The following SEMA3F variants were observed in gnomAD, a reference collection of about 807,000 sequenced individuals.
SEMA3F encodes the protein semaphorin 3F.
SEMA3F carries 30 observed loss-of-function variants against 98.5 expected under a neutral mutation model. That is an observed-to-expected ratio of 0.30 (90% CI 0.23 to 0.41). The LOEUF is 0.41. Ranked by LOEUF, SEMA3F falls within the 10% of genes least tolerant of loss-of-function variation. The pLI is 1.00. For synonymous variants in SEMA3F, 380 were observed against 444.8 expected (o/e 0.85, Z 1.83); for missense variants, 866 against 1,119.3 (o/e 0.77, Z 3.23).
At position 50,182,990 on chromosome 3, in the gene SEMA3F, T is replaced by C. The variant is rs768242792; in HGVS notation, c.990T>C (p.Asp330=). 2 of 1,613,906 alleles carry C rather than the reference T, an allele frequency of 1.2e-6. No individual in the cohort carries two copies. Among genetic ancestry groups the C allele is most frequent in the South Asian group, 2.2e-5 (2 of 91,088 alleles). Residue 330 remains aspartate (D), a synonymous_variant, in exon 10 of 19, where the codon GAT becomes GAC. Transcript: ENST00000002829. The surrounding 1 kb of genome is among the most constrained non-coding windows in gnomAD (Gnocchi z 4.5). The part of the protein sequence containing the change: ...ARLVCSVPGE[D]GIETHFDELQ... ...TCGTCTGCTCTGTCCCGGGCGAGGA[T>C]GGCATTGAGACTCACTTTGATGAGC...
At chr3:50,157,767 C>T (rs1698045945) in intron 1 of SEMA3F, among the ~76,000 whole-genome samples, 1 of 152,156 alleles carries the variant, frequency 6.6e-6, no homozygotes, top group South Asian at 2.1e-4. Flanking sequence ...AGACTCCCCA[C>T]CTCTCTGGAC....
At chr3:50,184,959 C>T (rs1699154156) in intron 13 of SEMA3F, 145 bp downstream of exon 13, 5 of 648,032 alleles carry the variant, frequency 7.7e-6, no homozygotes, top group Non-Finnish European at 8.0e-6. Flanking sequence ...TGCCTTCTCC[C>T]TATTGATGGG....
chr3:50,182,454 A>T lies in SEMA3F; in HGVS notation c.763+51A>T. 6.2e-7 allele frequency: 1 copy of T among 1,608,936 alleles called. No individual in the cohort carries two copies. Among genetic ancestry groups the T allele is most frequent in the East Asian group, 2.2e-5 (1 of 44,846 alleles). On this transcript the variant is annotated intron_variant, in intron 8 of 18. Coordinates refer to ENST00000002829, the MANE Select transcript of SEMA3F (RefSeq NM_004186.5). This position sits in a 1 kb window ranked among gnomAD's most constrained non-coding sequence, Gnocchi z 4.5. Reference sequence around the variant, plus strand: ...CGTGGCCATGTGTCTGGGATGCGGCAAGGAGGTCGTAAAGAAGCACATGTG... The same window carrying T: ...CGTGGCCATGTGTCTGGGATGCGGCTAGGAGGTCGTAAAGAAGCACATGTG...
At chr3:50,176,272 C>G (rs896262033) in intron 6 of SEMA3F, among the ~76,000 whole-genome samples, 5 of 152,180 alleles carry the variant, frequency 3.3e-5, no homozygotes, top group African/African-American at 1.2e-4. Flanking sequence ...ATACAGTAAC[C>G]TTAGAGCTCT....
rs1490575428 is a variant in SEMA3F at position 50,183,730 on chromosome 3, G to A, written c.1233+166G>A. On this transcript the variant is annotated intron_variant, in intron 12 of 18. Coordinates refer to ENST00000002829, the MANE Select transcript of SEMA3F (RefSeq NM_004186.5). ...CCTTCACACACAGTGTCAAGCTGTGGAGGAGCCCAGATGGGATTCTGGGAC... is the reference window on the plus strand; with the variant it reads ...CCTTCACACACAGTGTCAAGCTGTGAAGGAGCCCAGATGGGATTCTGGGAC... 4.2e-6 allele frequency: 3 copies of A among 717,094 alleles called. No individual in the cohort carries two copies. In the South Asian group the frequency reaches 5.6e-5, roughly 13 times the overall value. 44.4% of individuals were successfully genotyped at this position (717,094 alleles called of 1,614,324 possible).
At chr3:50,187,288 A>G (rs1170171216) in intron 18 of SEMA3F, among the ~76,000 whole-genome samples, 1 of 152,088 alleles carries the variant, frequency 6.6e-6, no homozygotes, top group Non-Finnish European at 1.5e-5. Flanking sequence ...TTAGCTGGGC[A>G]TAGTCATGCA....
At position 50,155,564 on chromosome 3, in the gene SEMA3F, G is replaced by C. The variant is rs373113746; in HGVS notation, c.-49G>C. On this transcript the variant is annotated splice_region_variant and 5_prime_UTR_variant, in exon 1 of 19. Transcript: ENST00000002829. This position sits in a 1 kb window ranked among gnomAD's most constrained non-coding sequence, Gnocchi z 4.9. ...GCCCAGGCCCCGCCGCTGCGGAAGA[G>C]GTGAGTGCAGCGGGAACCGGGAGGG... 101 of 315,638 alleles carry C rather than the reference G, an allele frequency of 3.2e-4. 1 individual carries two copies. The East Asian group carries it at 4.2e-3, about 13-fold the overall frequency. 19.6% of individuals were successfully genotyped at this position (315,638 alleles called of 1,614,324 possible).
At chr3:50,169,936 T>C (rs572911367) in intron 2 of SEMA3F, among the ~76,000 whole-genome samples, 1 of 152,252 alleles carries the variant, frequency 6.6e-6, no homozygotes, top group East Asian at 1.9e-4. Flanking sequence ...GCCCACCCCC[T>C]GCTCTGACTC....
chr3:50,168,800 A>G (rs1318755263), intron 2 of SEMA3F, among the ~76,000 whole-genome samples: 1 of 152,132 alleles, frequency 6.6e-6, no homozygotes, highest in African/African-American at 2.4e-5. Context: ...TCTTGCCGCC[A>G]CTGCTACTAT....
At chr3:50,172,964 A>G (rs1398752045) in intron 2 of SEMA3F, among the ~76,000 whole-genome samples, 1 of 152,114 alleles carries the variant, frequency 6.6e-6, no homozygotes, top group Non-Finnish European at 1.5e-5. Flanking sequence ...CCCCCACCTG[A>G]GCAAAAACTC....
Position 50,187,890 on chromosome 3 carries a change from C to T in SEMA3F, c.2133C>T (p.Ser711=). The T allele has an allele frequency of 1.2e-6, 2 of 1,610,176 alleles. No individual in the cohort carries two copies. The highest frequency in any genetic ancestry group is 1.7e-6 in the Non-Finnish European group (2 of 1,177,796). ...ATGCTGCCCTCTTCCCACCACTGTC[C>T]ATGAGCGCCCCGCCACCCCCAGGCG... is the stretch of plus-strand genomic sequence containing the variant. ...AVHAALFPPL[S]MSAPPPPGAG... The change falls in exon 19 of 19, where the codon TCC becomes TCT. Residue 711 remains serine (S), a synonymous_variant. Transcript: ENST00000002829.
At position 50,184,799 on chromosome 3, in the gene SEMA3F, C is replaced by G; in HGVS notation, c.1441C>G (p.Leu481Val). 6.2e-7 allele frequency: 1 copy of G among 1,613,626 alleles called. No individual in the cohort carries two copies. Among genetic ancestry groups the G allele is most frequent in the Non-Finnish European group, 8.5e-7 (1 of 1,179,770 alleles). ...VDAADGRYEVLFLGTDRGTVQ... is the reference protein window; with the variant it reads ...VDAADGRYEVVFLGTDRGTVQ... ...TGCAGCCGACGGGCGCTATGAGGTG[C>G]TTTTCCTGGGCACAGGTACCCACTG... The change falls in exon 13 of 19, where the codon CTT becomes GTT. Residue 481 changes from leucine (L) to valine (V), a missense_variant. Physicochemically the swap from Leu to Val is conservative, Grantham distance 32. Around this residue, in one of 3 missense-constraint regions of SEMA3F, gnomAD observed 374 missense variants for 582.8 expected, o/e 0.64. Coordinates refer to ENST00000002829, the MANE Select transcript of SEMA3F (RefSeq NM_004186.5).
At position 50,186,282 on chromosome 3, in the gene SEMA3F, C is replaced by T. The variant is rs773393032; in HGVS notation, c.1747C>T (p.Arg583Trp). The T allele has an allele frequency of 6.2e-6, 10 of 1,613,268 alleles. No individual in the cohort carries two copies. Among genetic ancestry groups the T allele is most frequent in the African/African-American group, 1.3e-5 (1 of 74,900 alleles). ...CCTTCAGGGGCTATCCTCATCCAGG[C>T]GGAGCCGCCGGCAGGACGTCCGGCA... ...CSRYTASSKRRSRRQDVRHGN... is the reference protein window; with the variant it reads ...CSRYTASSKRWSRRQDVRHGN... Residue 583 changes from arginine (R) to tryptophan (W), a missense_variant and splice_region_variant, in exon 17 of 19, where the codon CGG becomes TGG. Physicochemically the swap from Arg to Trp is moderately radical, Grantham distance 101 (BLOSUM62 -3). Coordinates refer to ENST00000002829, the MANE Select transcript of SEMA3F (RefSeq NM_004186.5).
chr3:50,188,304 T>C lies in SEMA3F; in HGVS notation c.*189T>C. The C allele has an allele frequency of 5.0e-6, 1 of 198,988 alleles. No homozygotes were observed. Among genetic ancestry groups the C allele is most frequent in the East Asian group, 1.2e-4 (1 of 8,046 alleles). 12.3% of individuals were successfully genotyped at this position (198,988 alleles called of 1,614,324 possible). A position where few individuals can be genotyped will look rare whatever the true frequency, so the allele number is the denominator to read the frequency against. ...CAGCATCCTCCAAAACTTAGACCCA[T>C]GCTGGTCAGAGACGGCAGAAAACAG... On this transcript the variant is annotated 3_prime_UTR_variant, in exon 19 of 19. Coordinates refer to ENST00000002829, the MANE Select transcript of SEMA3F (RefSeq NM_004186.5). The surrounding 1 kb of genome is among the most constrained non-coding windows in gnomAD (Gnocchi z 4.5).
Position 50,174,124 on chromosome 3 carries a change from G to A in SEMA3F, c.336+10G>A. The A allele has an allele frequency of 9.9e-6, 16 of 1,614,146 alleles. No individual in the cohort carries two copies. The highest frequency in any genetic ancestry group is 1.4e-5 in the Non-Finnish European group (16 of 1,180,018). On this transcript the variant is annotated intron_variant, in intron 4 of 18. Coordinates refer to ENST00000002829, the MANE Select transcript of SEMA3F (RefSeq NM_004186.5). ...AGGCAAGGATGTCAACGTGAGTTTG[G>A]TGGGATCCACAGGTGGGAAGGGGGA...
intron 2 of SEMA3F, among the ~76,000 whole-genome samples, chr3:50,162,688 A>G (rs1487137785): frequency 4.6e-5 from 7 of 152,198 alleles, no homozygotes; most frequent in Non-Finnish European, 7.4e-5. Flanking sequence ...CCCTTTGTTC[A>G]GCCTGGGGAG....
At chr3:50,186,463 TG>T in intron 17 of SEMA3F, 115 bp downstream of exon 17, 1 of 1,388,372 alleles carries the variant, frequency 7.2e-7, no homozygotes, top group Non-Finnish European at 1.0e-6. Flanking sequence ...TAATGGAGGG[TG>T]GGGGCTAATG....
At chr3:50,175,945 C>T (rs569828161) in intron 6 of SEMA3F, among the ~76,000 whole-genome samples, 2 of 152,254 alleles carry the variant, frequency 1.3e-5, no homozygotes, top group East Asian at 1.9e-4. Context: ...ACCTTCCCAT[C>T]GCCATCCTGC....
intron 2 of SEMA3F, among the ~76,000 whole-genome samples, chr3:50,163,340 G>T (rs1449599309): frequency 1.3e-5 from 2 of 152,160 alleles, no homozygotes; most frequent in African/African-American, 4.8e-5. Flanking sequence ...CACTGAGCAG[G>T]GTCCCTAGGA....
Sources: gnomAD v4.1 joint callset for allele counts (sites outside exome capture counted in the v4.1 genomes callset) on GRCh38, gnomAD v4.1.1 for gene constraint, gnomAD v4.1.1 regional missense constraint, Gnocchi (gnomAD v3.1) non-coding constraint, MANE v1.5 for transcripts, NCBI Gene and HGNC (gene_info 2026-07-23, HGNC 2026-07-21) for gene names.